Variants in TRPA1 observed in about 807,000 individuals in gnomAD.
TRPA1 encodes the protein ankyrin-like with transmembrane domains 1.
Under a neutral mutation model 131.3 loss-of-function variants are expected in TRPA1, and 129 were observed. That is an observed-to-expected ratio of 0.98 (90% CI 0.85 to 1.14). The LOEUF (loss-of-function observed/expected upper bound fraction) is 1.14. Ranked by LOEUF, TRPA1 falls within the 50% of genes most tolerant of loss-of-function variation. The probability of loss-of-function intolerance (pLI) is 0.00; values close to 1 mark genes in which losing one functional copy is unlikely to be tolerated. For missense variants in TRPA1, 1,304 were observed against 1,354.2 expected (o/e 0.96, Z 0.58); for synonymous variants, 441 against 451.7 (o/e 0.98, Z 0.30).
intron 14 of TRPA1, 86 bp from the exon 15 acceptor site, chr8:72,050,957 G>GTTTCCCCTAA: frequency 6.9e-6 from 7 of 1,008,158 alleles, no homozygotes; most frequent in Non-Finnish European, 1.1e-5. Flanking sequence ...ATTTCTTTAG[G>GTTTCCCCTAA]GGAAACCTAA....
chr8:72,067,861 C>T (rs958957027), intron 3 of TRPA1, among the ~76,000 whole-genome samples: 6 of 152,190 alleles, frequency 3.9e-5, no homozygotes, highest in Admixed American at 6.5e-5. Context: ...GAGACTTCAG[C>T]TCTCCCCTTC....
Position 72,033,661 on chromosome 8 carries a change from C to T in TRPA1, c.2851G>A (p.Val951Ile). ...CTACTTACAAGTAAATTCATGAGGA[C>T]AATTGGGACAAATATTGTGAAGGAA... The part of the protein sequence containing the change: ...LVSFTIFVPI[V>I]LMNLLIGLAV... The change falls in exon 23 of 27, where the codon GTC becomes ATC. Residue 951 changes from valine (V) to isoleucine (I), a missense_variant. Physicochemically the swap from Val to Ile is conservative, Grantham distance 29 (BLOSUM62 3). Transcript: ENST00000262209. The T allele has an allele frequency of 6.2e-7, 1 of 1,613,786 alleles. No homozygotes were observed. Among genetic ancestry groups the T allele is most frequent in the Non-Finnish European group, 8.5e-7 (1 of 1,179,836 alleles).
At chr8:72,024,016 C>T in intron 25 of TRPA1, 105 bp from the exon 26 acceptor site, 1 of 748,442 alleles carries the variant, frequency 1.3e-6, no homozygotes, top group Non-Finnish European at 2.4e-6. Flanking sequence ...ATGCATAAGG[C>T]ATAGCTATGC....
At chr8:72,031,075 T>C (rs912879821) in intron 23 of TRPA1, among the ~76,000 whole-genome samples, 5 of 152,174 alleles carry the variant, frequency 3.3e-5, no homozygotes, top group African/African-American at 1.2e-4. Context: ...TGCCCAGTGC[T>C]TAGTATAGAG....
rs1006743013 is a variant in TRPA1 at position 72,075,462 on chromosome 8, C to T, written c.-53G>A. 1.0e-5 allele frequency: 15 copies of T among 1,461,806 alleles called. No homozygotes were observed. Among genetic ancestry groups the T allele is most frequent in the African/African-American group, 1.4e-5 (1 of 72,258 alleles). The allele number at this position is 1,461,806 out of a possible 1,614,324, so 90.6% of individuals were successfully genotyped here. On this transcript the variant is annotated 5_prime_UTR_variant, in exon 1 of 27. It adds an upstream start codon to the 5' untranslated region. Transcript: ENST00000262209. ...CAGCTGCTCACCACGCGCGCGGGCA[C>T]CTGGGGCGAGAGAGCGCTGTCAGCC...
chr8:72,080,752 T>A, the TRPA1 span, among the ~76,000 whole-genome samples: 1 of 151,836 alleles, frequency 6.6e-6, no homozygotes, highest in Non-Finnish European at 1.5e-5. Context: ...GATTTAATAT[T>A]TTTGCTTGAG....
chr8:72,064,835 G>T (rs1465830341), intron 4 of TRPA1, among the ~76,000 whole-genome samples: 2 of 151,990 alleles, frequency 1.3e-5, no homozygotes, highest in Non-Finnish European at 2.9e-5. Context: ...AAGTCATGTA[G>T]ACAATCATCT....
chr8:72,041,398 G>C lies in TRPA1; in HGVS notation c.2062-1601C>G, dbSNP rs139948491. On this transcript the variant is annotated intron_variant, in intron 17 of 26. Coordinates refer to ENST00000262209, the MANE Select transcript of TRPA1 (RefSeq NM_007332.3). ...TACACAGAACAGTTCACCCTATGAT[G>C]CAACAGAAGAATAGATATTCTTCTC... is the stretch of plus-strand genomic sequence containing the variant. 2.1e-3 allele frequency: 319 copies of C among 152,030 alleles called. 1 individual carries two copies. The highest frequency in any genetic ancestry group is 7.2e-3 in the African/African-American group (297 of 41,520). 9.4% of individuals were successfully genotyped at this position (152,030 alleles called of 1,614,324 possible).
chr8:72,050,595 A>G (rs1191962039), intron 15 of TRPA1, among the ~76,000 whole-genome samples, 183 bp downstream of exon 15: 2 of 152,208 alleles, frequency 1.3e-5, no homozygotes, highest in Non-Finnish European at 2.9e-5. Flanking sequence ...TATTACATAT[A>G]ATAACTAATA....
the TRPA1 span, among the ~76,000 whole-genome samples, chr8:72,084,094 T>C: frequency 6.6e-6 from 1 of 152,222 alleles, no homozygotes; most frequent in African/African-American, 2.4e-5. Flanking sequence ...TATTTCAATC[T>C]GGAATTTCAT....
At chr8:72,035,038 A>G (rs181307353) in intron 21 of TRPA1, among the ~76,000 whole-genome samples, 2 of 152,328 alleles carry the variant, frequency 1.3e-5, no homozygotes, top group Admixed American at 6.5e-5. Flanking sequence ...TGCAGGGCAC[A>G]CACTACATGA....
chr8:72,036,883 T>C (rs768483339), intron 20 of TRPA1, among the ~76,000 whole-genome samples: 1 of 152,224 alleles, frequency 6.6e-6, no homozygotes, highest in African/African-American at 2.4e-5. Context: ...TGAGACTTAA[T>C]TAGGAAATAA....
In TRPA1 at chr8:72,022,914, C is replaced by T; in HGVS notation, c.3352G>A (p.Glu1118Lys). 1 of 1,613,646 alleles carries T rather than the reference C, an allele frequency of 6.2e-7. No homozygotes were observed. Among genetic ancestry groups the T allele is most frequent in the South Asian group, 1.1e-5 (1 of 91,068 alleles). ...ACTGAAGGTCTGAGGAGCTAAGGCT[C>T]AAGATGGTGTGTTTTTGCCTTGACT... Reference protein sequence around the residue: ...RAVKAKTHHLEP With the variant: ...RAVKAKTHHLKP Residue 1118 changes from glutamate (E) to lysine (K), a missense_variant, in exon 27 of 27, where the codon GAG (glutamate) becomes AAG (lysine). Transcript: ENST00000262209.
intron 4 of TRPA1, among the ~76,000 whole-genome samples, chr8:72,064,247 A>G (rs1805876544): frequency 8.1e-6 from 1 of 123,476 alleles, no homozygotes; most frequent in Non-Finnish European, 1.6e-5. Context: ...ATAATAGTCC[A>G]GAAATTATAT....
At chr8:72,081,334 CCT>C in the TRPA1 span, among the ~76,000 whole-genome samples, 1 of 151,528 alleles carries the variant, frequency 6.6e-6, no homozygotes, top group Non-Finnish European at 1.5e-5. Context: ...TTCAATTCAC[CCT>C]GTTTATGGTC....
At chr8:72,066,883 T>A (rs569788338) in intron 3 of TRPA1, among the ~76,000 whole-genome samples, 62 of 152,158 alleles carry the variant, frequency 4.1e-4, no homozygotes, top group Non-Finnish European at 6.8e-4. Flanking sequence ...CAGGCAAGTC[T>A]GGAAGGTTTG....
intron 24 of TRPA1, among the ~76,000 whole-genome samples, chr8:72,029,277 G>T (rs1811719680): frequency 6.6e-6 from 1 of 152,150 alleles, no homozygotes; most frequent in South Asian, 2.1e-4. Flanking sequence ...GCGGGGCTAG[G>T]ATGCCAGTGA....
chr8:72,083,191 A>G, the TRPA1 span, among the ~76,000 whole-genome samples: 2 of 152,132 alleles, frequency 1.3e-5, no homozygotes, highest in East Asian at 1.9e-4. Context: ...CATTCTCAAC[A>G]TATTTTCCTT....
intron 2 of TRPA1, 110 bp from the exon 3 acceptor site, chr8:72,069,308 G>T: frequency 9.1e-7 from 1 of 1,102,342 alleles, no homozygotes; most frequent in Non-Finnish European, 1.4e-6. Context: ...GAAATCAGCT[G>T]CATCTTTTTA....
Sources: gnomAD v4.1 joint callset for allele counts (sites outside exome capture counted in the v4.1 genomes callset) on GRCh38, gnomAD v4.1.1 for gene constraint, MANE v1.5 for transcripts, NCBI Gene and HGNC (gene_info 2026-07-23, HGNC 2026-07-21) for gene names.